The following NRXN1 variants were observed in gnomAD, a reference collection of about 807,000 sequenced individuals.
NRXN1 encodes the protein neurexin 1.
NRXN1 carries 39 observed loss-of-function variants against 150.9 expected under a neutral mutation model. The ratio of observed to expected loss-of-function variants is 0.26; its 90% CI spans 0.20 to 0.34. NRXN1 has a LOEUF of 0.34. Among genes scored for constraint, NRXN1 ranks in the 10% least tolerant of loss-of-function variants. The probability of loss-of-function intolerance (pLI) is 1.00; values close to 1 mark genes in which losing one functional copy is unlikely to be tolerated. For synonymous variants in NRXN1, 924 were observed against 757.0 expected, an observed-to-expected ratio of 1.22 and a Z score of -3.62; for missense variants, 1,815 against 1,949.9, an observed-to-expected ratio of 0.93 and a Z score of 1.30.
chr2:50,404,549 T>C (rs925285448), intron 17 of NRXN1, among the ~76,000 whole-genome samples: 1 of 152,142 alleles, frequency 6.6e-6, no homozygotes, highest in Non-Finnish European at 1.5e-5. Flanking sequence ...GGTACCTTTC[T>C]GGGTCCATTA....
chr2:50,739,472 T>A (rs1224983265), intron 5 of NRXN1, among the ~76,000 whole-genome samples: 1 of 152,172 alleles, frequency 6.6e-6, no homozygotes, highest in Admixed American at 6.6e-5. Context: ...TGCAATTTTA[T>A]ACGTTTTAAA....
intron 16 of NRXN1, among the ~76,000 whole-genome samples, chr2:50,467,931 T>C (rs2089074965): frequency 6.6e-6 from 1 of 151,564 alleles, no homozygotes; most frequent in Non-Finnish European, 1.5e-5. Context: ...TGTTCCAAAC[T>C]GTGAGAGGGA....
intron 5 of NRXN1, among the ~76,000 whole-genome samples, chr2:50,727,086 G>A (rs973156984): frequency 6.7e-6 from 1 of 149,082 alleles, no homozygotes; most frequent in African/African-American, 2.5e-5. Context: ...CTGACATTTG[G>A]GAACCTTTAT....
chr2:50,966,885 C>T (rs1363115313), intron 2 of NRXN1, among the ~76,000 whole-genome samples: 2 of 151,916 alleles, frequency 1.3e-5, no homozygotes, highest in South Asian at 2.1e-4. Flanking sequence ...TTTAACAAGA[C>T]AGCAATCCTT....
chr2:50,265,629 A>G (rs1187744328), intron 17 of NRXN1, among the ~76,000 whole-genome samples: 1 of 152,340 alleles, frequency 6.6e-6, no homozygotes, highest in East Asian at 1.9e-4. Flanking sequence ...AGAAAAATAC[A>G]GAAACCAAAA....
At chr2:50,127,273 T>C (rs1240759662) in intron 18 of NRXN1, among the ~76,000 whole-genome samples, 3 of 152,164 alleles carry the variant, frequency 2.0e-5, no homozygotes, top group Non-Finnish European at 4.4e-5. Flanking sequence ...CTCTATTTAA[T>C]AGCCACTTTA....
chr2:50,236,734 T>C (rs1045331483), intron 18 of NRXN1, 55 bp downstream of exon 18: 90 of 1,549,842 alleles, frequency 5.8e-5, no homozygotes, highest in Middle Eastern at 3.4e-4. Flanking sequence ...ATAAATTCTT[T>C]ACAAAAAGTT....
At chr2:50,759,033 C>A (rs1341456650) in intron 5 of NRXN1, among the ~76,000 whole-genome samples, 1 of 151,768 alleles carries the variant, frequency 6.6e-6, no homozygotes, top group Non-Finnish European at 1.5e-5. Flanking sequence ...ATCTTCAAAC[C>A]AATAATAAAA....
chr2:50,907,035 G>C (rs1196311205), intron 5 of NRXN1, among the ~76,000 whole-genome samples: 1 of 151,732 alleles, frequency 6.6e-6, no homozygotes, highest in Admixed American at 6.6e-5. Flanking sequence ...TTTCTCCAAG[G>C]TCTGTCTAGA....
intron 5 of NRXN1, among the ~76,000 whole-genome samples, chr2:50,807,274 A>G (rs1338095419): frequency 1.3e-5 from 2 of 152,122 alleles, no homozygotes; most frequent in East Asian, 3.9e-4. Flanking sequence ...ATGACCAGGG[A>G]CAAGTTAATG....
At chr2:50,372,388 A>G (rs556256601) in intron 17 of NRXN1, among the ~76,000 whole-genome samples, 35 of 152,212 alleles carry the variant, frequency 2.3e-4, no homozygotes, top group Admixed American at 7.2e-4. Context: ...GAAATGCAAC[A>G]AAGTAAATAA....
At chr2:51,025,050 G>A (rs1670212356) in intron 2 of NRXN1, among the ~76,000 whole-genome samples, 1 of 152,036 alleles carries the variant, frequency 6.6e-6, no homozygotes, top group African/African-American at 2.4e-5. Flanking sequence ...ACATGAAATA[G>A]GGAAAATAAG....
At chr2:50,289,292 G>A (rs934909297) in intron 17 of NRXN1, among the ~76,000 whole-genome samples, 1 of 152,156 alleles carries the variant, frequency 6.6e-6, no homozygotes, top group African/African-American at 2.4e-5. Context: ...TTGACTAAAA[G>A]AGGTAGCTGT....
At chr2:50,740,086 T>C (rs1238560757) in intron 5 of NRXN1, among the ~76,000 whole-genome samples, 1 of 152,232 alleles carries the variant, frequency 6.6e-6, no homozygotes, top group Non-Finnish European at 1.5e-5. Context: ...TGTTTTTAAA[T>C]TCTAAGTAGC....
intron 5 of NRXN1, among the ~76,000 whole-genome samples, chr2:50,740,874 G>T (rs1699343479): frequency 6.6e-6 from 1 of 152,270 alleles, no homozygotes; most frequent in Admixed American, 6.5e-5. Context: ...TGGAGTATCT[G>T]TCATAATCAA....
intron 9 of NRXN1, among the ~76,000 whole-genome samples, chr2:50,550,834 C>T (rs1425671364): frequency 6.6e-6 from 1 of 151,712 alleles, no homozygotes; most frequent in Non-Finnish European, 1.5e-5. Flanking sequence ...GGCACCGCCA[C>T]CACGCCCGAC....
intron 5 of NRXN1, among the ~76,000 whole-genome samples, chr2:50,688,090 G>T (rs1691518156): frequency 6.6e-6 from 1 of 152,148 alleles, no homozygotes; most frequent in Admixed American, 6.5e-5. Flanking sequence ...TGAGATAGAG[G>T]TAATCTGGGA....
intron 18 of NRXN1, among the ~76,000 whole-genome samples, chr2:50,116,055 C>A (rs1478084899): frequency 6.6e-6 from 1 of 151,984 alleles, no homozygotes; most frequent in African/African-American, 2.4e-5. Context: ...TCCTAAGGCT[C>A]GACCTCTTTT....
At chr2:50,520,703 T>C (rs1208137269) in intron 12 of NRXN1, among the ~76,000 whole-genome samples, 1 of 151,972 alleles carries the variant, frequency 6.6e-6, no homozygotes, top group African/African-American at 2.4e-5. Flanking sequence ...TTTTTAGCAG[T>C]ATAAAATTTC....
Sources: allele counts gnomAD v4.1 joint callset (sites outside exome capture counted in the v4.1 genomes callset), GRCh38; gene constraint gnomAD v4.1.1; transcripts MANE v1.5; gene names NCBI Gene and HGNC (gene_info 2026-07-23, HGNC 2026-07-21).